The following SLC8A1 variants were observed in gnomAD, a reference collection of about 807,000 sequenced individuals.
SLC8A1 encodes the protein sodium/calcium exchanger 1.
Under a neutral mutation model 68.3 loss-of-function variants are expected in SLC8A1, and 18 were observed. The observed-to-expected ratio is 0.26, with a 90% CI of 0.18 to 0.39. The LOEUF is 0.39. SLC8A1 is among the 10% of genes least tolerant of loss of function. The pLI, the probability that SLC8A1 is intolerant of heterozygous loss-of-function variation, is 1.00. For synonymous variants in SLC8A1, 475 were observed against 415.5 expected (o/e 1.14, Z -1.74); for missense variants, 985 against 1,156.7 (o/e 0.85, Z 2.15).
chr2:40,227,367 C>T (rs1227761526), intron 2 of SLC8A1, among the ~76,000 whole-genome samples: 1 of 152,022 alleles, frequency 6.6e-6, no homozygotes, highest in East Asian at 1.9e-4. Context: ...TTCTGTTTTC[C>T]TTTCTTTATA....
At chr2:40,337,040 C>G (rs1449711534) in intron 2 of SLC8A1, among the ~76,000 whole-genome samples, 1 of 152,112 alleles carries the variant, frequency 6.6e-6, no homozygotes, top group Non-Finnish European at 1.5e-5. Context: ...TTGTAATGCA[C>G]TTCTAGAAGC....
chr2:40,314,756 G>T (rs2074215609), intron 2 of SLC8A1, among the ~76,000 whole-genome samples: 1 of 151,876 alleles, frequency 6.6e-6, no homozygotes, highest in African/African-American at 2.4e-5. Flanking sequence ...TTATATTTTT[G>T]ATGACATTGT....
chr2:40,097,899 C>G (rs1208530506), exon 8 of SLC8A1: 1 of 151,818 alleles, frequency 6.6e-6, no homozygotes, highest in African/African-American at 2.4e-5. Flanking sequence ...TACATGATTA[C>G]GACAGAGATG....
intron 2 of SLC8A1, among the ~76,000 whole-genome samples, chr2:40,290,287 T>G (rs903694732): frequency 3.3e-5 from 5 of 152,208 alleles, no homozygotes; most frequent in Non-Finnish European, 7.4e-5. Flanking sequence ...TTTGTTTCTT[T>G]GTTTTTATCT....
chr2:40,195,994 G>A (rs1380568563), intron 2 of SLC8A1: 2 of 151,722 alleles, frequency 1.3e-5, no homozygotes, highest in African/African-American at 4.8e-5. Context: ...TGAGTTACAG[G>A]AAGGCTGAGA....
rs1336021327 is a variant in SLC8A1, at chr2:40,253,137, GTATATGTATATACATACATA to G, written c.1809-75302_1809-75283del. ...TGTATACATATATACACGTATATAT[GTATATGTATATACATACATA>G]TATATGTATATACACACAAATATAC... is the stretch of plus-strand genomic sequence containing the variant. On this transcript the variant is annotated intron_variant, in intron 2 of 7. Coordinates refer to ENST00000406785, the Ensembl canonical transcript of SLC8A1. Among the ~76,000 whole-genome samples, 896 of 103,554 alleles carry G rather than the reference GTATATGTATATACATACATA, an allele frequency of 8.7e-3. 8 individuals are homozygous for G. The highest frequency in any genetic ancestry group is 0.034 in the African/African-American group (743 of 21,886). 67.9% of individuals were successfully genotyped at this position (103,554 alleles called of 152,430 possible).
chr2:40,210,986 A>C (rs535032257), intron 2 of SLC8A1, among the ~76,000 whole-genome samples: 26 of 152,200 alleles, frequency 1.7e-4, no homozygotes, highest in Non-Finnish European at 3.7e-4. Context: ...TTTTATCAAG[A>C]CCCTCATTTT....
At chr2:40,353,856 G>A (rs745501176) in intron 2 of SLC8A1, among the ~76,000 whole-genome samples, 1 of 152,184 alleles carries the variant, frequency 6.6e-6, no homozygotes, top group African/African-American at 2.4e-5. Flanking sequence ...TAAGGAGAGG[G>A]AGGCACCAGA....
chr2:40,200,219 T>TATA (rs1558722197), intron 2 of SLC8A1, among the ~76,000 whole-genome samples: 4 of 2,924 alleles, frequency 1.4e-3, no homozygotes, highest in African/African-American at 3.3e-3. Flanking sequence ...TATATATATA[T>TATA]TTTTTTATAT....
intron 2 of SLC8A1, among the ~76,000 whole-genome samples, chr2:40,336,422 T>A (rs955981883): frequency 1.3e-5 from 2 of 152,160 alleles, no homozygotes; most frequent in African/African-American, 2.4e-5. Context: ...ACTAAAAATC[T>A]CAGAATATCC....
chr2:40,495,615 C>T (rs1303533500), intron 1 of SLC8A1, among the ~76,000 whole-genome samples: 1 of 151,946 alleles, frequency 6.6e-6, no homozygotes, highest in Non-Finnish European at 1.5e-5. Context: ...CAAAATCTAC[C>T]AATCTATTAT....
chr2:40,169,355 A>AAGTC (rs10689335), intron 4 of SLC8A1, among the ~76,000 whole-genome samples: 2,770 of 152,262 alleles, frequency 0.018, 90 homozygotes, highest in African/African-American at 0.062. Context: ...CTATGCTGAC[A>AAGTC]AGTCAGAAAG....
intron 2 of SLC8A1, among the ~76,000 whole-genome samples, chr2:40,402,513 T>C (rs572755792): frequency 6.6e-6 from 1 of 152,228 alleles, no homozygotes; most frequent in African/African-American, 2.4e-5. Context: ...GAATTCTTTC[T>C]TGCACAAGGT....
intron 7 of SLC8A1, among the ~76,000 whole-genome samples, chr2:40,131,123 A>G (rs774954685): frequency 6.6e-6 from 1 of 152,000 alleles, no homozygotes; most frequent in Non-Finnish European, 1.5e-5. Flanking sequence ...CCTCACTACA[A>G]CTCTGTGAGA....
intron 1 of SLC8A1, among the ~76,000 whole-genome samples, chr2:40,496,719 T>G (rs527783772): frequency 6.6e-6 from 1 of 152,058 alleles, no homozygotes; most frequent in South Asian, 2.1e-4. Flanking sequence ...TATTTTGCAG[T>G]TACTCACCCA....
intron 1 of SLC8A1, among the ~76,000 whole-genome samples, chr2:40,497,656 T>C (rs1413659618): frequency 6.6e-6 from 1 of 151,980 alleles, no homozygotes; most frequent in African/African-American, 2.4e-5. Context: ...ACTAGTTCAG[T>C]GAATCATAAG....
chr2:40,207,590 A>T (rs189850988), intron 2 of SLC8A1, among the ~76,000 whole-genome samples: 62 of 152,264 alleles, frequency 4.1e-4, no homozygotes, highest in South Asian at 4.1e-4. Flanking sequence ...TACACAAAAT[A>T]TATTTTTATA....
intron 4 of SLC8A1, among the ~76,000 whole-genome samples, chr2:40,171,404 T>G (rs1221477289): frequency 6.6e-6 from 1 of 152,218 alleles, no homozygotes; most frequent in Non-Finnish European, 1.5e-5. Flanking sequence ...CTTAGAAGTT[T>G]TGGGGATCAA....
intron 2 of SLC8A1, among the ~76,000 whole-genome samples, chr2:40,373,436 A>G (rs959790298): frequency 7.9e-5 from 12 of 152,120 alleles, no homozygotes; most frequent in African/African-American, 2.9e-4. Flanking sequence ...ATAATGACTT[A>G]AATAAAAAGT....
Sources: allele counts gnomAD v4.1 joint callset (sites outside exome capture counted in the v4.1 genomes callset), GRCh38; gene constraint gnomAD v4.1.1; transcripts MANE v1.5; gene names NCBI Gene and HGNC (gene_info 2026-07-23, HGNC 2026-07-21).